PIGM: variants seen among roughly 807,000 people sequenced by gnomAD.
PIGM encodes the protein GPI alpha-1,4-mannosyltransferase I, catalytic subunit.
PIGM carries 7 observed loss-of-function variants against 14.6 expected under a neutral mutation model. That is an observed-to-expected ratio of 0.48 (90% CI 0.27 to 0.90). PIGM has a LOEUF of 0.90. Ranked by LOEUF, PIGM falls within the 40% of genes least tolerant of loss-of-function variation. The probability of loss-of-function intolerance (pLI) is 0.12; values close to 1 mark genes in which losing one functional copy is unlikely to be tolerated. For synonymous variants in PIGM, 216 were observed against 215.9 expected (o/e 1.00, Z 0.00); for missense variants, 506 against 516.2 (o/e 0.98, Z 0.19).
rs1648213511 is a variant in PIGM, at chr1:160,027,613, A to G, written c.*2855T>C. 1.3e-5 allele frequency: 2 copies of G among 152,160 alleles called. No individual in the cohort carries two copies. Among genetic ancestry groups the G allele is most frequent in the South Asian group, 2.1e-4 (1 of 4,824 alleles). 9.4% of individuals were successfully genotyped at this position (152,160 alleles called of 1,614,324 possible). On this transcript the variant is annotated 3_prime_UTR_variant, in exon 1 of 1. Transcript: ENST00000368090. ...AATTAATGCTTACCTGCAAATGAAC[A>G]TATCAATCTTAAGAGGTGGTATAAG...
At position 160,026,776 on chromosome 1, in the gene PIGM, T is replaced by C. The variant is rs1046954441; in HGVS notation, c.*3692A>G. The C allele has an allele frequency of 3.3e-5, 5 of 152,120 alleles. No individual in the cohort carries two copies. The highest frequency in any genetic ancestry group is 1.2e-4 in the African/African-American group (5 of 41,450). 9.4% of individuals were successfully genotyped at this position (152,120 alleles called of 1,614,324 possible). On this transcript the variant is annotated 3_prime_UTR_variant, in exon 1 of 1. Coordinates refer to ENST00000368090, the MANE Select transcript of PIGM (RefSeq NM_145167.3). The stretch of plus-strand genomic sequence containing the variant: ...CTGGGAGTTCGGCTGCAGTGAGCCA[T>C]GTTTATACTACTGCACTCCAGCCTG...
Position 160,031,492 on chromosome 1 carries a change from A to G in PIGM, c.248T>C (p.Leu83Pro), listed in dbSNP as rs963721579. ...TYRYTPLLGWLLTPNIYLSEL... is the reference protein window; with the variant it reads ...TYRYTPLLGWPLTPNIYLSEL... ...GCTGAGGTAGATGTTGGGAGTGAGG[A>G]GCCAACCCAGCAGCGGGGTGTAACG... The change falls in exon 1 of 1, where the codon CTC becomes CCC. Residue 83 changes from leucine to proline, a missense_variant. Transcript: ENST00000368090. 4 of 1,614,044 alleles carry G rather than the reference A, an allele frequency of 2.5e-6. No homozygotes were observed. The highest frequency in any genetic ancestry group is 3.4e-6 in the Non-Finnish European group (4 of 1,180,014).
In PIGM at chr1:160,030,713, G is replaced by C. The variant is rs1648301658; in HGVS notation, c.1027C>G (p.Leu343Val). The change falls in exon 1 of 1, where the codon CTG becomes GTG. Residue 343 changes from leucine to valine, a missense_variant. Coordinates refer to ENST00000368090, the MANE Select transcript of PIGM (RefSeq NM_145167.3). ...CTGACTAGTGGCATCACAAGAGGCA[G>C]TAAGCAGAGGTACCAAAGAAAGTAC... ...SQYFLWYLCL[L>V]PLVMPLVRMP... 9 of 1,614,168 alleles carry C rather than the reference G, an allele frequency of 5.6e-6. No individual in the cohort carries two copies. Among genetic ancestry groups the C allele is most frequent in the Non-Finnish European group, 7.6e-6 (9 of 1,179,970 alleles).
At position 160,028,922 on chromosome 1, in the gene PIGM, C is replaced by A. The variant is rs934000023; in HGVS notation, c.*1546G>T. 2.6e-5 allele frequency: 4 copies of A among 152,160 alleles called. No homozygotes were observed. The highest frequency in any genetic ancestry group is 9.7e-5 in the African/African-American group (4 of 41,440). 9.4% of individuals were successfully genotyped at this position (152,160 alleles called of 1,614,324 possible). A position where few individuals can be genotyped will look rare whatever the true frequency, so the allele number is the denominator to read the frequency against. On this transcript the variant is annotated 3_prime_UTR_variant, in exon 1 of 1. Transcript: ENST00000368090. ...ACAATCTCCCTCTAAATTCTCTGGTCTAGAAAACCCATGGCTCTCTGGGAT... is the reference window on the plus strand; with the variant it reads ...ACAATCTCCCTCTAAATTCTCTGGTATAGAAAACCCATGGCTCTCTGGGAT...
rs1398867885 is a variant in PIGM, at chr1:160,030,448, C to G, written c.*20G>C. 6.3e-7 allele frequency: 1 copy of G among 1,593,682 alleles called. No individual in the cohort carries two copies. The highest frequency in any genetic ancestry group is 1.3e-5 in the African/African-American group (1 of 74,428). On this transcript the variant is annotated 3_prime_UTR_variant, in exon 1 of 1. Transcript: ENST00000368090. The stretch of plus-strand genomic sequence containing the variant: ...AGACAATCAGAATGTAACACAGTAG[C>G]AGAGGGTGTGGAACATACACTAGTC...
At position 160,030,718 on chromosome 1, in the gene PIGM, C is replaced by G; in HGVS notation, c.1022G>C (p.Cys341Ser). The change falls in exon 1 of 1, where the codon TGC becomes TCC. Residue 341 changes from cysteine to serine, a missense_variant. Physicochemically the swap from Cys to Ser is moderately radical, Grantham distance 112. Transcript: ENST00000368090. ...TAGTGGCATCACAAGAGGCAGTAAG[C>G]AGAGGTACCAAAGAAAGTACTGGGA... is the stretch of plus-strand genomic sequence containing the variant. Reference protein sequence around the residue: ...CTSQYFLWYLCLLPLVMPLVR... With the variant: ...CTSQYFLWYLSLLPLVMPLVR... The G allele has an allele frequency of 1.9e-6, 3 of 1,614,074 alleles. No homozygotes were observed.
rs1241186539 is a variant in PIGM, at chr1:160,028,287, A to G, written c.*2181T>C. The G allele has an allele frequency of 6.6e-6, 1 of 152,116 alleles. No homozygotes were observed. The highest frequency in any genetic ancestry group is 2.4e-5 in the African/African-American group (1 of 41,434). The allele number at this position is 152,116 out of a possible 1,614,324, so 9.4% of individuals were successfully genotyped here. On this transcript the variant is annotated 3_prime_UTR_variant, in exon 1 of 1. Coordinates refer to ENST00000368090, the MANE Select transcript of PIGM (RefSeq NM_145167.3). Reference sequence around the variant, plus strand: ...TCCTGCCTCCTCCCTTGCTGGCTCTATAATTTTTTTTTTTAATTCTTAGAA... The same window carrying G: ...TCCTGCCTCCTCCCTTGCTGGCTCTGTAATTTTTTTTTTTAATTCTTAGAA...
In PIGM at chr1:160,030,339, A is replaced by T; in HGVS notation, c.*129T>A. ...ATATATAAGGCAAACATTGCTTTTA[A>T]GTTCTGTTGGAACATGGGAACTTTC... On this transcript the variant is annotated 3_prime_UTR_variant, in exon 1 of 1. Transcript: ENST00000368090. 1.0e-6 allele frequency: 1 copy of T among 995,054 alleles called. No individual in the cohort carries two copies. Among genetic ancestry groups the T allele is most frequent in the South Asian group, 1.3e-5 (1 of 75,574 alleles). 61.6% of individuals were successfully genotyped at this position (995,054 alleles called of 1,614,324 possible). A position where few individuals can be genotyped will look rare whatever the true frequency, so the allele number is the denominator to read the frequency against.
chr1:160,030,840 G>A lies in PIGM; in HGVS notation c.900C>T (p.Ile300=). Reference sequence around the variant, plus strand: ...AGGCGAAAGACACAGCTGAAAGCAAGATGAGCTGTGGCAGGAATGCAGCAA... The same window carrying A: ...AGGCGAAAGACACAGCTGAAAGCAAAATGAGCTGTGGCAGGAATGCAGCAA... ...LGIAAFLPQL[I]LLSAVSFAYY... Residue 300 remains isoleucine, a synonymous_variant, in exon 1 of 1, where the codon ATC becomes ATT. Transcript: ENST00000368090. 6.2e-7 allele frequency: 1 copy of A among 1,614,242 alleles called. No homozygotes were observed. Among genetic ancestry groups the A allele is most frequent in the Non-Finnish European group, 8.5e-7 (1 of 1,180,032 alleles).
rs1203517552 is a variant in PIGM at position 160,026,394 on chromosome 1, T to G, written c.*4074A>C. On this transcript the variant is annotated 3_prime_UTR_variant, in exon 1 of 1. Transcript: ENST00000368090. ...AAGAAAATACCTGATTTTTAGGAGATGCATGCTGATATATTTAGTGGTGAA... is the reference window on the plus strand; with the variant it reads ...AAGAAAATACCTGATTTTTAGGAGAGGCATGCTGATATATTTAGTGGTGAA... 1.3e-5 allele frequency: 2 copies of G among 152,182 alleles called. No homozygotes were observed. The highest frequency in any genetic ancestry group is 2.9e-5 in the Non-Finnish European group (2 of 68,018). The allele number at this position is 152,182 out of a possible 1,614,324, so 9.4% of individuals were successfully genotyped here. A position where few individuals can be genotyped will look rare whatever the true frequency, so the allele number is the denominator to read the frequency against.
In PIGM at chr1:160,031,126, C is replaced by G. The variant is rs1428026349; in HGVS notation, c.614G>C (p.Arg205Pro). The change falls in exon 1 of 1, where the codon CGT (arginine) becomes CCT (proline). Residue 205 changes from arginine to proline, a missense_variant. By Grantham distance (103) the Arg-to-Pro change is moderately radical. Transcript: ENST00000368090. ...AGCCTGGAAAGTGTACCGGAATTGA[C>G]GGAGGCTTTTGTCATTGTCGCGATC... ...LPDRDNDKSLRQFRYTFQACL... is the reference protein window; with the variant it reads ...LPDRDNDKSLPQFRYTFQACL... The G allele has an allele frequency of 1.2e-6, 2 of 1,613,734 alleles. No individual in the cohort carries two copies. The highest frequency in any genetic ancestry group is 1.7e-6 in the Non-Finnish European group (2 of 1,179,842).
Position 160,031,544 on chromosome 1 carries a change from G to A in PIGM, c.196C>T (p.Arg66Cys), listed in dbSNP as rs754141446. 4 of 1,614,060 alleles carry A rather than the reference G, an allele frequency of 2.5e-6. No homozygotes were observed. In the African/African-American group the frequency reaches 4.0e-5, roughly 16 times the overall value. The change falls in exon 1 of 1, where the codon CGC becomes TGC. Residue 66 changes from arginine (R) to cysteine (C), a missense_variant. Transcript: ENST00000368090. ...TACGTGGCTCTCAGGTAAGGCGAGC[G>A]CCCCTCCGTGACGAAGCGCGCGGCG... Reference protein sequence around the residue: ...TDAARFVTEGRSPYLRATYRY... With the variant: ...TDAARFVTEGCSPYLRATYRY...
Position 160,028,255 on chromosome 1 carries a change from TTC to T in PIGM, c.*2211_*2212del, listed in dbSNP as rs1169097263. 1 of 152,140 alleles carries T rather than the reference TTC, an allele frequency of 6.6e-6. No individual in the cohort carries two copies. Among genetic ancestry groups the T allele is most frequent in the East Asian group, 1.9e-4 (1 of 5,202 alleles). The allele number at this position is 152,140 out of a possible 1,614,324, so 9.4% of individuals were successfully genotyped here. A position where few individuals can be genotyped will look rare whatever the true frequency, so the allele number is the denominator to read the frequency against. Reference sequence around the variant, plus strand: ...CTATACTGGAATGATGAAATTCGATTTCTGTTTCCTGCCTCCTCCCTTGCTGG... The same window carrying T: ...CTATACTGGAATGATGAAATTCGATTTGTTTCCTGCCTCCTCCCTTGCTGG... On this transcript the variant is annotated 3_prime_UTR_variant, in exon 1 of 1. Coordinates refer to ENST00000368090, the MANE Select transcript of PIGM (RefSeq NM_145167.3).
Position 160,030,896 on chromosome 1 carries a change from C to A in PIGM, c.844G>T (p.Ala282Ser). 1 of 1,614,196 alleles carries A rather than the reference C, an allele frequency of 6.2e-7. No homozygotes were observed. Among genetic ancestry groups the A allele is most frequent in the Non-Finnish European group, 8.5e-7 (1 of 1,180,028 alleles). ...SPYFYMLYLTAESKWSFSLGI... is the reference protein window; with the variant it reads ...SPYFYMLYLTSESKWSFSLGI... ...AGGGAAAAACTCCACTTGCTCTCTGCAGTCAAATACAGCATGTAGAAGTAC... is the reference window on the plus strand; with the variant it reads ...AGGGAAAAACTCCACTTGCTCTCTGAAGTCAAATACAGCATGTAGAAGTAC... The change falls in exon 1 of 1, where the codon GCA becomes TCA. Residue 282 changes from alanine (A) to serine (S), a missense_variant. Coordinates refer to ENST00000368090, the MANE Select transcript of PIGM (RefSeq NM_145167.3).
Position 160,031,958 on chromosome 1 carries a change from C to T in PIGM, c.-219G>A, listed in dbSNP as rs1648355084. ...TCTTCTCAGCCGCCCGAGCCAAAAA[C>T]TTGCCTTCCTCTGGATGGACGGTCT... is the stretch of plus-strand genomic sequence containing the variant. On this transcript the variant is annotated 5_prime_UTR_variant, in exon 1 of 1. Transcript: ENST00000368090. 1.5e-6 allele frequency: 1 copy of T among 659,800 alleles called. No homozygotes were observed. The highest frequency in any genetic ancestry group is 1.8e-5 in the African/African-American group (1 of 55,830). The allele number at this position is 659,800 out of a possible 1,614,324, so 40.9% of individuals were successfully genotyped here.
rs1172513734 is a variant in PIGM at position 160,026,224 on chromosome 1, A to G, written c.*4244T>C. The G allele has an allele frequency of 1.3e-5, 2 of 152,234 alleles. No individual in the cohort carries two copies. The highest frequency in any genetic ancestry group is 2.9e-5 in the Non-Finnish European group (2 of 68,040). The allele number at this position is 152,234 out of a possible 1,614,324, so 9.4% of individuals were successfully genotyped here. ...AGGAAAAGATTCAAACTTCTTAATT[A>G]TGGATTATCCACCATGTTCTTTCCT... On this transcript the variant is annotated 3_prime_UTR_variant, in exon 1 of 1. Coordinates refer to ENST00000368090, the MANE Select transcript of PIGM (RefSeq NM_145167.3).
chr1:160,030,482 T>C lies in PIGM; in HGVS notation c.1258A>G (p.Ile420Val). ...TGGAACATACACTAGTCATATTTGA[T>C]TCTCTCTGTCAGGGGTTCTTCTTTG... is the stretch of plus-strand genomic sequence containing the variant. ...HYKEEPLTER[I>V]KYD is the part of the protein sequence containing the mutation. Residue 420 changes from isoleucine (I) to valine (V), a missense_variant, in exon 1 of 1, where the codon ATC (isoleucine) becomes GTC (valine). Coordinates refer to ENST00000368090, the MANE Select transcript of PIGM (RefSeq NM_145167.3). 1 of 1,611,714 alleles carries C rather than the reference T, an allele frequency of 6.2e-7. No homozygotes were observed. The highest frequency in any genetic ancestry group is 1.3e-5 in the African/African-American group (1 of 75,006).
Position 160,030,493 on chromosome 1 carries a change from A to T in PIGM, c.1247T>A (p.Leu416Gln). The change falls in exon 1 of 1, where the codon CTG becomes CAG. Residue 416 changes from leucine to glutamine, a missense_variant. Leu to Gln is a moderately radical substitution (Grantham distance 113). Coordinates refer to ENST00000368090, the MANE Select transcript of PIGM (RefSeq NM_145167.3). ...QIISHYKEEP[L>Q]TERIKYD ...CTAGTCATATTTGATTCTCTCTGTC[A>T]GGGGTTCTTCTTTGTAATGGGAAAT... 1 of 1,613,110 alleles carries T rather than the reference A, an allele frequency of 6.2e-7. No homozygotes were observed. The highest frequency in any genetic ancestry group is 2.2e-5 in the East Asian group (1 of 44,882).
rs1212853861 is a variant in PIGM at position 160,027,148 on chromosome 1, G to C, written c.*3320C>G. On this transcript the variant is annotated 3_prime_UTR_variant, in exon 1 of 1. Transcript: ENST00000368090. ...TCGTTTATAATAAAACATGAGGGGTGGGGGGAACCAAGAGGTTGCATTTAG... is the reference window on the plus strand; with the variant it reads ...TCGTTTATAATAAAACATGAGGGGTCGGGGGAACCAAGAGGTTGCATTTAG... 2 of 152,138 alleles carry C rather than the reference G, an allele frequency of 1.3e-5. No homozygotes were observed. The highest frequency in any genetic ancestry group is 2.9e-5 in the Non-Finnish European group (2 of 68,046). The allele number at this position is 152,138 out of a possible 1,614,324, so 9.4% of individuals were successfully genotyped here. A position where few individuals can be genotyped will look rare whatever the true frequency, so the allele number is the denominator to read the frequency against.
Sources: allele counts gnomAD v4.1 joint callset, GRCh38; gene constraint gnomAD v4.1.1; transcripts MANE v1.5; gene names NCBI Gene and HGNC (gene_info 2026-07-23, HGNC 2026-07-21).